Variants in PCDHA10 observed in about 807,000 individuals in gnomAD.
The protein encoded by PCDHA10 is protocadherin alpha 10, also known as protocadherin alpha-10.
Under a neutral mutation model 61.2 loss-of-function variants are expected in PCDHA10, and 45 were observed. The observed-to-expected ratio is 0.74, with a 90% CI of 0.58 to 0.94. PCDHA10 has a LOEUF of 0.94. Ranked by LOEUF, PCDHA10 falls within the 40% of genes least tolerant of loss-of-function variation. The pLI is 0.00. For synonymous variants in PCDHA10, 602 were observed against 548.8 expected (o/e 1.10, Z -1.35); for missense variants, 1,278 against 1,236.2 (o/e 1.03, Z -0.51).
chr5:140,978,789 A>G (rs2153817382), intron 1 of PCDHA10, 160 bp from the exon 2 acceptor site: 22 of 974,564 alleles, frequency 2.3e-5, no homozygotes, highest in Non-Finnish European at 2.6e-5. Flanking sequence ...CTAAAGTGCT[A>G]TATATGTAGA....
At chr5:140,925,671 A>AATAATG (rs1554202870) in intron 1 of PCDHA10, among the ~76,000 whole-genome samples, 40 of 148,180 alleles carry the variant, frequency 2.7e-4, no homozygotes, top group African/African-American at 9.5e-4. Flanking sequence ...TAATAATAAT[A>AATAATG]ATAATAAAGC....
chr5:140,875,356 G>C (rs2055432006), intron 1 of PCDHA10: 5 of 1,446,352 alleles, frequency 3.5e-6, no homozygotes, highest in Admixed American at 5.7e-5. Context: ...TGACTGTGAT[G>C]CTGGAAAAAA....
chr5:140,947,146 A>G (rs1253300651), intron 1 of PCDHA10, among the ~76,000 whole-genome samples: 2 of 151,546 alleles, frequency 1.3e-5, no homozygotes, highest in Non-Finnish European at 1.5e-5. Context: ...ATGTATAGTT[A>G]CTTCCACGGG....
At chr5:140,884,538 G>A (rs781889228) in intron 1 of PCDHA10, 21 of 1,613,994 alleles carry the variant, frequency 1.3e-5, no homozygotes, top group Non-Finnish European at 1.8e-5. Context: ...AGGCGGCCGA[G>A]GGTGTGCTCT....
At chr5:140,883,283 G>C (rs782514861) in intron 1 of PCDHA10, 2 of 1,613,916 alleles carry the variant, frequency 1.2e-6, no homozygotes, top group Admixed American at 1.7e-5. Context: ...CCTTTTGGTG[G>C]AAGTACTAGA....
chr5:140,938,650 A>G (rs184257234), intron 1 of PCDHA10, among the ~76,000 whole-genome samples: 3 of 152,214 alleles, frequency 2.0e-5, no homozygotes, highest in Non-Finnish European at 2.9e-5. Flanking sequence ...ATCCTTCTTT[A>G]TATCATTAGA....
chr5:140,900,233 G>GT (rs1261263702), intron 1 of PCDHA10, among the ~76,000 whole-genome samples: 7 of 151,834 alleles, frequency 4.6e-5, no homozygotes, highest in Non-Finnish European at 7.4e-5. Flanking sequence ...ACTGGATCTT[G>GT]TTTTTTTTAT....
At chr5:140,862,493 C>T (rs1554156460) in intron 1 of PCDHA10, 4 of 388,658 alleles carry the variant, frequency 1.0e-5, no homozygotes, top group Admixed American at 3.4e-5. Context: ...GGTAATCGCT[C>T]GGAATGGGGA....
At chr5:140,951,545 G>T (rs1019007635) in intron 1 of PCDHA10, among the ~76,000 whole-genome samples, 2 of 151,950 alleles carry the variant, frequency 1.3e-5, no homozygotes, top group African/African-American at 4.8e-5. Flanking sequence ...GCAAGGGACG[G>T]GGGGAAGTGC....
intron 2 of PCDHA10, chr5:140,982,222 A>C: frequency 3.5e-6 from 2 of 569,284 alleles, no homozygotes; most frequent in Non-Finnish European, 2.7e-6. Context: ...CATGGCGTTA[A>C]TAAAAAACAG....
rs2098422397 is a variant in PCDHA10 at position 141,011,934 on chromosome 5, T to C, written c.*1997T>C. The C allele has an allele frequency of 6.5e-6, 1 of 153,836 alleles. No homozygotes were observed. The highest frequency in any genetic ancestry group is 6.5e-5 in the Admixed American group (1 of 15,306). The allele number at this position is 153,836 out of a possible 1,614,324, so 9.5% of individuals were successfully genotyped here. On this transcript the variant is annotated 3_prime_UTR_variant, in exon 4 of 4. Transcript: ENST00000307360. ...TAATATAAAAGAGGTAGGAGTCTGT[T>C]ATTTAAAAAAAGCATTAAATTTAAA...
intron 1 of PCDHA10, among the ~76,000 whole-genome samples, chr5:140,880,555 T>C (rs1250449659): frequency 1.3e-5 from 2 of 152,134 alleles, no homozygotes; most frequent in Admixed American, 6.6e-5. Context: ...CTGATGGAAA[T>C]GAGGTTGAGA....
chr5:140,928,821 C>T, intron 1 of PCDHA10: 2 of 1,614,142 alleles, frequency 1.2e-6, no homozygotes, highest in Non-Finnish European at 1.7e-6. Context: ...ACCATGGAGA[C>T]CCACCACTTT....
chr5:140,961,477 G>T (rs2095615587), intron 1 of PCDHA10, among the ~76,000 whole-genome samples: 1 of 152,006 alleles, frequency 6.6e-6, no homozygotes, highest in African/African-American at 2.4e-5. Flanking sequence ...TTTTTGTCTT[G>T]TCCACGTGAG....
intron 3 of PCDHA10, among the ~76,000 whole-genome samples, chr5:140,999,034 T>A (rs953509791): frequency 6.6e-6 from 1 of 152,210 alleles, no homozygotes; most frequent in East Asian, 1.9e-4. Flanking sequence ...TGATACTTCG[T>A]CCAGTGTGCT....
Position 140,968,423 on chromosome 5 carries a change from G to A in PCDHA10, c.2389-10526G>A, listed in dbSNP as rs782235507. The A allele has an allele frequency of 1.9e-6, 3 of 1,614,028 alleles. No homozygotes were observed. The South Asian group carries it at 3.3e-5, about 18-fold the overall frequency. On this transcript the variant is annotated intron_variant, in intron 1 of 3. Transcript: ENST00000307360. ...GTTCTTTGTGACTGTGGAGGCTCAG[G>A]ACAAGGGGAGCCCACCACTGAGCAG...
Position 140,968,579 on chromosome 5 carries a change from A to G in PCDHA10, c.2389-10370A>G, listed in dbSNP as rs1554230883. On this transcript the variant is annotated intron_variant, in intron 1 of 3. Coordinates refer to ENST00000307360, the MANE Select transcript of PCDHA10 (RefSeq NM_018901.4). ...AACTGCCCCTGCTGGCTACCTGGTCACCAAAGTCATAGCTATGGACTCAGA... is the reference window on the plus strand; with the variant it reads ...AACTGCCCCTGCTGGCTACCTGGTCGCCAAAGTCATAGCTATGGACTCAGA... 6 of 1,614,182 alleles carry G rather than the reference A, an allele frequency of 3.7e-6. No homozygotes were observed. The highest frequency in any genetic ancestry group is 5.1e-6 in the Non-Finnish European group (6 of 1,180,042).
chr5:140,889,583 G>C (rs1373487919), intron 1 of PCDHA10, among the ~76,000 whole-genome samples: 1 of 151,554 alleles, frequency 6.6e-6, no homozygotes, highest in African/African-American at 2.4e-5. Context: ...TTTTGTTTTT[G>C]CTTTGAAATA....
chr5:140,870,581 T>C, intron 1 of PCDHA10: 1 of 1,613,826 alleles, frequency 6.2e-7, no homozygotes, highest in Non-Finnish European at 8.5e-7. Context: ...TCCTACTCGC[T>C]GGTGGAGCGG....
Sources: gnomAD v4.1 joint callset for allele counts (sites outside exome capture counted in the v4.1 genomes callset) on GRCh38, gnomAD v4.1.1 for gene constraint, MANE v1.5 for transcripts, NCBI Gene and HGNC (gene_info 2026-07-23, HGNC 2026-07-21) for gene names.